Variants in PTPRA observed in about 807,000 individuals in gnomAD.
PTPRA encodes the protein protein tyrosine phosphatase receptor type A.
A neutral mutation model predicts 104.8 loss-of-function variants in PTPRA; 25 were observed. The ratio of observed to expected loss-of-function variants is 0.24; its 90% CI spans 0.17 to 0.33. The LOEUF is 0.33. Ranked by LOEUF, PTPRA falls within the 10% of genes least tolerant of loss-of-function variation. The pLI is 1.00. For missense variants in PTPRA, 765 were observed against 1,015.3 expected, an observed-to-expected ratio of 0.75 and a Z score of 3.35; for synonymous variants, 323 against 368.9, an observed-to-expected ratio of 0.88 and a Z score of 1.43.
intron 6 of PTPRA, among the ~76,000 whole-genome samples, chr20:2,983,736 A>T (rs2062787384): frequency 6.6e-6 from 1 of 152,108 alleles, no homozygotes; most frequent in African/African-American, 2.4e-5. Flanking sequence ...TAGCTACTGA[A>T]TGGTGAGGGA....
At chr20:2,897,562 A>G (rs1271935919) in intron 1 of PTPRA, among the ~76,000 whole-genome samples, 1 of 151,452 alleles carries the variant, frequency 6.6e-6, no homozygotes, top group Non-Finnish European at 1.5e-5. Context: ...TAATTTTTGT[A>G]TTTTTAGTTG....
intron 6 of PTPRA, among the ~76,000 whole-genome samples, chr20:2,975,716 T>C (rs1288393703): frequency 1.3e-5 from 2 of 152,118 alleles, no homozygotes; most frequent in African/African-American, 4.8e-5. Flanking sequence ...GTTGTGTCTG[T>C]GGTTTAAGCT....
chr20:3,027,926 A>T, intron 20 of PTPRA, 85 bp downstream of exon 20: 1 of 1,565,948 alleles, frequency 6.4e-7, no homozygotes. Flanking sequence ...GAAGGCAAGA[A>T]GGTGTTTGGA....
At chr20:2,972,473 G>A (rs2062230463) in intron 5 of PTPRA, among the ~76,000 whole-genome samples, 2 of 152,182 alleles carry the variant, frequency 1.3e-5, no homozygotes, top group South Asian at 4.1e-4. Flanking sequence ...AAAGCACTGG[G>A]ATTATAGGCA....
At chr20:2,865,469 A>G in the PTPRA span, 5 of 1,613,962 alleles carry the variant, frequency 3.1e-6, no homozygotes, top group Non-Finnish European at 8.5e-7. This position sits in a 1 kb window ranked among gnomAD's most constrained non-coding sequence, Gnocchi z 5.2. Context: ...GTTTTCCAAG[A>G]GCAAGAAATC....
chr20:2,866,477 CT>C, the PTPRA span: 1 of 1,614,200 alleles, frequency 6.2e-7, no homozygotes, highest in East Asian at 2.2e-5. Flanking sequence ...CGGAATGAGG[CT>C]GAGCTGAGCC....
intron 5 of PTPRA, among the ~76,000 whole-genome samples, chr20:2,969,591 ATG>A (rs2062084685): frequency 7.2e-6 from 1 of 138,774 alleles, no homozygotes; most frequent in Non-Finnish European, 1.6e-5. Flanking sequence ...GCGGCGGCTC[ATG>A]CCTGTAATCC....
upstream of PTPRA, among the ~76,000 whole-genome samples, chr20:2,871,512 G>GT (rs953560132): frequency 1.3e-5 from 2 of 151,952 alleles, no homozygotes; most frequent in African/African-American, 4.8e-5. Context: ...CAAATAAAAA[G>GT]TAAAAAAAAA....
intron 13 of PTPRA, among the ~76,000 whole-genome samples, chr20:3,018,236 G>T (rs1351406844): frequency 6.6e-6 from 1 of 151,918 alleles, no homozygotes; most frequent in Non-Finnish European, 1.5e-5. Context: ...GTTTTGTTTT[G>T]TTTTTTTATT....
the PTPRA span, among the ~76,000 whole-genome samples, chr20:2,865,703 T>G: frequency 6.6e-6 from 1 of 152,158 alleles, no homozygotes; most frequent in Non-Finnish European, 1.5e-5. The surrounding 1 kb of genome is among the most constrained non-coding windows in gnomAD (Gnocchi z 5.2). Flanking sequence ...TGCCTGCAGA[T>G]GTTACGGGGA....
At chr20:2,946,001 T>C (rs2061116262) in intron 2 of PTPRA, among the ~76,000 whole-genome samples, 1 of 151,990 alleles carries the variant, frequency 6.6e-6, no homozygotes, top group Non-Finnish European at 1.5e-5. Context: ...AGCTAAGTAA[T>C]TAATAAATAT....
Position 3,027,159 on chromosome 20 carries a change from G to A in PTPRA, c.1747G>A (p.Glu583Lys), listed in dbSNP as rs1357309587. ...AGTGATCATTCCAGTTAAGCGGGGCGAAGAGAATACAGACTATGTGAACGC... is the reference window on the plus strand; with the variant it reads ...AGTGATCATTCCAGTTAAGCGGGGCAAAGAGAATACAGACTATGTGAACGC... ...NRVIIPVKRGEENTDYVNASF... is the reference protein window; with the variant it reads ...NRVIIPVKRGKENTDYVNASF... The change falls in exon 19 of 24, where the codon GAA becomes AAA. Residue 583 changes from glutamate (E) to lysine (K), a missense_variant. This residue lies in a region of PTPRA where 192 missense variants were observed against 227.0 expected (regional missense o/e 0.85). Transcript: ENST00000399903. 6.2e-6 allele frequency: 10 copies of A among 1,614,168 alleles called. No homozygotes were observed. The highest frequency in any genetic ancestry group is 1.3e-5 in the African/African-American group (1 of 75,044).
intron 3 of PTPRA, among the ~76,000 whole-genome samples, chr20:2,953,643 T>C (rs1419097447): frequency 2.6e-5 from 4 of 151,500 alleles, no homozygotes; most frequent in African/African-American, 9.7e-5. Flanking sequence ...AATCTTGCTG[T>C]GTTGCCCTGG....
intron 1 of PTPRA, among the ~76,000 whole-genome samples, chr20:2,913,070 T>A (rs953554397): frequency 6.6e-6 from 1 of 152,100 alleles, no homozygotes; most frequent in Non-Finnish European, 1.5e-5. Context: ...CCAAATACTT[T>A]AATGAGCATT....
intron 2 of PTPRA, among the ~76,000 whole-genome samples, chr20:2,930,664 T>C (rs1469736228): frequency 3.3e-5 from 5 of 152,172 alleles, no homozygotes; most frequent in East Asian, 1.9e-4. Flanking sequence ...CTTTCTTCAA[T>C]TGGCATTTTC....
chr20:2,891,895 C>T (rs781336757), intron 1 of PTPRA, among the ~76,000 whole-genome samples: 9 of 152,080 alleles, frequency 5.9e-5, no homozygotes, highest in Non-Finnish European at 8.8e-5. Context: ...AATGCAAATA[C>T]TATGTAAATA....
At chr20:3,027,969 C>G in intron 20 of PTPRA, 128 bp downstream of exon 20, 1 of 1,289,504 alleles carries the variant, frequency 7.8e-7, no homozygotes, top group South Asian at 1.5e-5. Flanking sequence ...CCAAAGAGTA[C>G]GTTTGCATAG....
chr20:2,959,580 G>T (rs1394526706), intron 3 of PTPRA, among the ~76,000 whole-genome samples: 1 of 151,488 alleles, frequency 6.6e-6, no homozygotes, highest in East Asian at 1.9e-4. Context: ...TTTTCTTAGA[G>T]AAATAAGAAA....
chr20:3,017,675 G>T, intron 12 of PTPRA, 141 bp from the exon 13 acceptor site: 2 of 659,342 alleles, frequency 3.0e-6, no homozygotes, highest in South Asian at 1.8e-5. Context: ...TTAGTAACGG[G>T]GTGGATGGAT....
Sources: allele counts gnomAD v4.1 joint callset (sites outside exome capture counted in the v4.1 genomes callset), GRCh38; gene constraint gnomAD v4.1.1; regional missense constraint gnomAD v4.1.1; non-coding constraint Gnocchi (gnomAD v3.1); transcripts MANE v1.5; gene names NCBI Gene and HGNC (gene_info 2026-07-23, HGNC 2026-07-21).